The following HERC1 variants were observed in gnomAD, a reference collection of about 807,000 sequenced individuals.
HERC1 encodes HECT and RLD domain containing E3 ubiquitin protein ligase family member 1.
A neutral mutation model predicts 554.3 loss-of-function variants in HERC1; 160 were observed. The ratio of observed to expected loss-of-function variants is 0.29; its 90% CI spans 0.25 to 0.33. HERC1 has a LOEUF of 0.33. Ranked by LOEUF, HERC1 falls within the 10% of genes least tolerant of loss-of-function variation. The pLI is 1.00. For synonymous variants in HERC1, 2,175 were observed against 2,131.7 expected, an observed-to-expected ratio of 1.02 and a Z score of -0.56; for missense variants, 4,919 against 5,918.5, an observed-to-expected ratio of 0.83 and a Z score of 5.54.
chr15:63,622,746 A>G, intron 74 of HERC1, 69 bp downstream of exon 74: 1 of 1,201,616 alleles, frequency 8.3e-7, no homozygotes, highest in Non-Finnish European at 1.2e-6. Flanking sequence ...GGTACATAGT[A>G]AGCACTCAAT....
intron 1 of HERC1, among the ~76,000 whole-genome samples, chr15:63,798,763 CTAAT>C (rs1372883933): frequency 6.6e-6 from 1 of 152,102 alleles, no homozygotes; most frequent in Non-Finnish European, 1.5e-5. Context: ...GTTAAATTAA[CTAAT>C]TAATTACTAC....
At chr15:63,619,929 T>C (rs375108021) in intron 74 of HERC1, among the ~76,000 whole-genome samples, 11 of 152,336 alleles carry the variant, frequency 7.2e-5, no homozygotes, top group East Asian at 3.8e-4. Context: ...ATTTTGTTGA[T>C]CTTTTCAAAA....
chr15:63,609,254 G>T lies in HERC1; in HGVS notation c.14413C>A (p.Leu4805Met), dbSNP rs1311044523. The T allele has an allele frequency of 6.2e-7, 1 of 1,612,148 alleles. No homozygotes were observed. Among genetic ancestry groups the T allele is most frequent in the South Asian group, 1.1e-5 (1 of 90,470 alleles). ...AAGAAGCAGGTCTGTGAGGTAGGCA[G>T]ACTGTCGTAAGGCTGTGGAGAGAGA... The part of the protein sequence containing the change: ...IMKVDRPYDS[L>M]PTSQTCFFQL... Residue 4805 changes from leucine to methionine, a missense_variant, in exon 78 of 78, where the codon CTG (leucine) becomes ATG (methionine). Around this residue, in one of 11 missense-constraint regions of HERC1, gnomAD observed 71 missense variants for 101.4 expected, o/e 0.70. Transcript: ENST00000443617.
chr15:63,612,902 T>A lies in HERC1; in HGVS notation c.14095-346A>T, dbSNP rs2067663414. Among the ~76,000 whole-genome samples, 1 of 152,196 alleles carries A rather than the reference T, an allele frequency of 6.6e-6. No homozygotes were observed. Among genetic ancestry groups the A allele is most frequent in the African/African-American group, 2.4e-5 (1 of 41,448 alleles). On this transcript the variant is annotated intron_variant, in intron 76 of 77. Coordinates refer to ENST00000443617, the MANE Select transcript of HERC1 (RefSeq NM_003922.4). This position sits in a 1 kb window ranked among gnomAD's most constrained non-coding sequence, Gnocchi z 5.0. Reference sequence around the variant, plus strand: ...CCTAATCATATGTGCCCATGTGCTGTCAAACTATGCATGTGTGGACACTTC... The same window carrying A: ...CCTAATCATATGTGCCCATGTGCTGACAAACTATGCATGTGTGGACACTTC...
At chr15:63,754,704 CCTTGA>C in intron 6 of HERC1, 56 bp from the exon 7 acceptor site, 1 of 1,489,136 alleles carries the variant, frequency 6.7e-7, no homozygotes, top group Non-Finnish European at 9.1e-7. Flanking sequence ...TTTCTCTAGG[CCTTGA>C]CTTCACAAGT....
intron 2 of HERC1, among the ~76,000 whole-genome samples, chr15:63,767,162 A>G (rs1005049531): frequency 6.6e-6 from 1 of 151,762 alleles, no homozygotes. Flanking sequence ...CACCATGCTT[A>G]GCTAATTTTT....
intron 1 of HERC1, among the ~76,000 whole-genome samples, chr15:63,830,118 T>G (rs2078105554): frequency 6.6e-6 from 1 of 152,110 alleles, no homozygotes; most frequent in South Asian, 2.1e-4. Context: ...TGGGAGAAAG[T>G]TTGAGGAGAA....
At chr15:63,822,380 G>A (rs2077731649) in intron 1 of HERC1, among the ~76,000 whole-genome samples, 1 of 152,178 alleles carries the variant, frequency 6.6e-6, no homozygotes, top group African/African-American at 2.4e-5. Flanking sequence ...AAGGCCAGGA[G>A]TTCGAGACCA....
intron 1 of HERC1, among the ~76,000 whole-genome samples, chr15:63,822,532 G>T (rs1251109527): frequency 6.6e-6 from 1 of 151,772 alleles, no homozygotes; most frequent in African/African-American, 2.4e-5. Flanking sequence ...GTTGCAGTGA[G>T]CCGAGATCAT....
chr15:63,698,507 T>C (rs1223464588), intron 26 of HERC1, among the ~76,000 whole-genome samples: 1 of 151,790 alleles, frequency 6.6e-6, no homozygotes, highest in Admixed American at 6.6e-5. Context: ...GACTTCTGAG[T>C]ATATTGTTCT....
In HERC1 at chr15:63,734,544, T is replaced by A. The variant is rs2074422344; in HGVS notation, c.2646+180A>T. 6.9e-6 allele frequency: 3 copies of A among 433,272 alleles called. No homozygotes were observed. Among genetic ancestry groups the A allele is most frequent in the Non-Finnish European group, 1.2e-5 (3 of 248,008 alleles). The allele number at this position is 433,272 out of a possible 1,614,324, so 26.8% of individuals were successfully genotyped here. On this transcript the variant is annotated intron_variant, in intron 13 of 77. Transcript: ENST00000443617. The surrounding 1 kb of genome is among the most constrained non-coding windows in gnomAD (Gnocchi z 4.6). The stretch of plus-strand genomic sequence containing the variant: ...TAATAATTAGCCCCAAATAACTTAA[T>A]AAATTATCACTTGCTTCACCTAAGG...
chr15:63,790,660 G>C (rs1596264225), intron 1 of HERC1, among the ~76,000 whole-genome samples: 1 of 152,064 alleles, frequency 6.6e-6, no homozygotes, highest in South Asian at 2.1e-4. Context: ...TTGCCCAGGG[G>C]GTTGGTGGGT....
At chr15:63,660,862 T>A (rs971877004) in intron 46 of HERC1, 111 bp downstream of exon 46, 2 of 655,280 alleles carry the variant, frequency 3.1e-6, no homozygotes, top group Non-Finnish European at 5.4e-6. Context: ...AGTTAACATG[T>A]ACACAAATAC....
intron 18 of HERC1, among the ~76,000 whole-genome samples, chr15:63,723,692 T>C (rs1432381368): frequency 6.6e-6 from 1 of 152,212 alleles, no homozygotes; most frequent in African/African-American, 2.4e-5. Context: ...GCAATGGTCT[T>C]GTATAACAAA....
chr15:63,731,492 A>G (rs1235151815), intron 14 of HERC1, among the ~76,000 whole-genome samples: 3 of 152,214 alleles, frequency 2.0e-5, no homozygotes, highest in Non-Finnish European at 4.4e-5. Flanking sequence ...TAACTTTGGG[A>G]AAAATTTTTG....
At chr15:63,794,709 G>A (rs778653356) in intron 1 of HERC1, among the ~76,000 whole-genome samples, 2 of 152,046 alleles carry the variant, frequency 1.3e-5, no homozygotes, top group Non-Finnish European at 2.9e-5. Context: ...AGCAGGAGAT[G>A]CCACTCTTTC....
At chr15:63,669,478 A>G (rs2070794089) in intron 40 of HERC1, 60 bp downstream of exon 40, 1 of 1,501,266 alleles carries the variant, frequency 6.7e-7, no homozygotes, top group Non-Finnish European at 9.2e-7. Context: ...CCCACATAAT[A>G]AAGTCCCACA....
intron 61 of HERC1, among the ~76,000 whole-genome samples, chr15:63,639,395 C>T (rs932224738): frequency 3.9e-5 from 6 of 152,124 alleles, no homozygotes; most frequent in African/African-American, 9.6e-5. Flanking sequence ...CAGACTATAC[C>T]GTATAGTCTT....
chr15:63,671,311 G>A (rs959324013), intron 39 of HERC1, among the ~76,000 whole-genome samples: 9 of 151,294 alleles, frequency 5.9e-5, no homozygotes, highest in South Asian at 2.1e-4. Flanking sequence ...CTTTGAGGCT[G>A]CAATGAACTA....
Sources: gnomAD v4.1 joint callset for allele counts (sites outside exome capture counted in the v4.1 genomes callset) on GRCh38, gnomAD v4.1.1 for gene constraint, gnomAD v4.1.1 regional missense constraint, Gnocchi (gnomAD v3.1) non-coding constraint, MANE v1.5 for transcripts, NCBI Gene and HGNC (gene_info 2026-07-23, HGNC 2026-07-21) for gene names.